The following RYR3 variants were observed in gnomAD, a reference collection of about 807,000 sequenced individuals.
RYR3 encodes the protein ryanodine receptor 3.
RYR3 carries 207 observed loss-of-function variants against 584.3 expected under a neutral mutation model. The ratio of observed to expected loss-of-function variants is 0.35; its 90% confidence interval spans 0.32 to 0.40. The LOEUF (loss-of-function observed/expected upper bound fraction) is 0.40. RYR3 is among the 10% of genes least tolerant of loss of function. The pLI, the probability that RYR3 is intolerant of heterozygous loss-of-function variation, is 1.00. For synonymous variants in RYR3, 2,416 were observed against 2,248.5 expected (o/e 1.07, Z -2.11); for missense variants, 5,616 against 6,089.2 (o/e 0.92, Z 2.59).
intron 1 of RYR3, among the ~76,000 whole-genome samples, chr15:33,314,165 C>G (rs1967751519): frequency 6.6e-6 from 1 of 152,192 alleles, no homozygotes; most frequent in South Asian, 2.1e-4. Flanking sequence ...AAACTATATA[C>G]CCTCTTCTGG....
Position 33,657,412 on chromosome 15 carries a change from A to C in RYR3, c.4309-2308A>C, listed in dbSNP as rs142889862. 2.6e-3 allele frequency among the ~76,000 whole-genome samples: 394 copies of C among 152,378 alleles called. 1 individual carries two copies. Among genetic ancestry groups the C allele is most frequent in the African/African-American group, 9.2e-3 (382 of 41,596 alleles). ...AAACGCATGGGCTTCCTACTGGTCC[A>C]GATGAAGTTTCCTCAGCCACAGGAG... On this transcript the variant is annotated intron_variant, in intron 32 of 103. Coordinates refer to ENST00000634891, the MANE Select transcript of RYR3 (RefSeq NM_001036.6).
At chr15:33,394,799 C>G (rs2042204581) in intron 1 of RYR3, among the ~76,000 whole-genome samples, 1 of 152,040 alleles carries the variant, frequency 6.6e-6, no homozygotes. Flanking sequence ...AATGTAGCAA[C>G]CAGTTAGGAC....
intron 86 of RYR3, among the ~76,000 whole-genome samples, chr15:33,831,867 C>T (rs1015420472): frequency 6.6e-6 from 1 of 152,132 alleles, no homozygotes; most frequent in Non-Finnish European, 1.5e-5. Flanking sequence ...TTTATTCATT[C>T]ATTCATCAAA....
At chr15:33,519,142 A>G (rs1253862647) in intron 3 of RYR3, among the ~76,000 whole-genome samples, 1 of 152,200 alleles carries the variant, frequency 6.6e-6, no homozygotes, top group Non-Finnish European at 1.5e-5. Context: ...CATGGGGGGC[A>G]GTTCAGGAAG....
At chr15:33,672,668 T>G (rs2063918391) in intron 38 of RYR3, among the ~76,000 whole-genome samples, 1 of 152,244 alleles carries the variant, frequency 6.6e-6, no homozygotes, top group Non-Finnish European at 1.5e-5. Flanking sequence ...CAGAACCATA[T>G]GCATTAAAGG....
intron 1 of RYR3, among the ~76,000 whole-genome samples, chr15:33,441,130 A>G (rs758301756): frequency 6.6e-6 from 1 of 152,238 alleles, no homozygotes; most frequent in South Asian, 2.1e-4. Flanking sequence ...AGAATTTGCC[A>G]TCATTCTAGG....
At chr15:33,444,721 A>C (rs1400543024) in intron 1 of RYR3, among the ~76,000 whole-genome samples, 1 of 152,218 alleles carries the variant, frequency 6.6e-6, no homozygotes, top group Admixed American at 6.5e-5. Flanking sequence ...CAAAGCTGGC[A>C]AAAGAGCATT....
chr15:33,719,235 C>T (rs1258264591), intron 43 of RYR3, among the ~76,000 whole-genome samples: 1 of 152,258 alleles, frequency 6.6e-6, no homozygotes, highest in Non-Finnish European at 1.5e-5. Flanking sequence ...TCCTGGGTCA[C>T]TTGCAGGAGC....
chr15:33,704,039 G>A (rs2066494330), intron 42 of RYR3, among the ~76,000 whole-genome samples: 1 of 152,252 alleles, frequency 6.6e-6, no homozygotes, highest in South Asian at 2.1e-4. Context: ...GGAGGCCGAG[G>A]CAGGTGAATC....
chr15:33,401,157 T>C (rs944537732), intron 1 of RYR3, among the ~76,000 whole-genome samples: 1 of 152,140 alleles, frequency 6.6e-6, no homozygotes. Flanking sequence ...TGCTCGGCTA[T>C]TATGAGGTCT....
intron 46 of RYR3, among the ~76,000 whole-genome samples, chr15:33,728,043 G>A (rs1040121304): frequency 2.6e-5 from 4 of 152,100 alleles, no homozygotes; most frequent in East Asian, 1.9e-4. Flanking sequence ...GTATGTCCTC[G>A]AAGTTTATTC....
intron 38 of RYR3, among the ~76,000 whole-genome samples, chr15:33,688,507 A>G (rs1254417785): frequency 6.8e-6 from 1 of 147,852 alleles, no homozygotes; most frequent in East Asian, 2.0e-4. Flanking sequence ...CGGGAGGTGG[A>G]GCTTGCAGTG....
chr15:33,865,222 G>T lies in RYR3; in HGVS notation c.14609G>T (p.Gly4870Val). The T allele has an allele frequency of 6.2e-7, 1 of 1,610,502 alleles. No homozygotes were observed. Among genetic ancestry groups the T allele is most frequent in the Non-Finnish European group, 8.5e-7 (1 of 1,177,494 alleles). The part of the protein sequence containing the change: ...CFRKQYEDQL[G>V] ...CGTAAACAATATGAAGATCAGCTTG[G>T]ATAAATCTGAATCAAAGAAGCGCGA... The change falls in exon 104 of 104, where the codon GGA (glycine) becomes GTA (valine). Residue 4870 changes from glycine (G) to valine (V), a missense_variant. By Grantham distance (109) the Gly-to-Val change is moderately radical. This residue lies in a region of RYR3 where 918 missense variants were observed against 887.4 expected (regional missense o/e 1.03). Coordinates refer to ENST00000634891, the MANE Select transcript of RYR3 (RefSeq NM_001036.6).
chr15:33,468,728 A>G (rs1263014878), intron 1 of RYR3, among the ~76,000 whole-genome samples: 1 of 152,234 alleles, frequency 6.6e-6, no homozygotes, highest in East Asian at 1.9e-4. Flanking sequence ...TGTAAATTAT[A>G]ATTGGGTGCA....
intron 91 of RYR3, 50 bp downstream of exon 91, chr15:33,842,085 C>A: frequency 1.9e-6 from 3 of 1,552,226 alleles, no homozygotes; most frequent in South Asian, 1.2e-5. Context: ...TTGGCCCAGG[C>A]AGATGGCAGA....
intron 38 of RYR3, among the ~76,000 whole-genome samples, chr15:33,675,575 A>G (rs1368514945): frequency 6.6e-6 from 1 of 152,216 alleles, no homozygotes; most frequent in Non-Finnish European, 1.5e-5. Flanking sequence ...CCCAAAATTC[A>G]TGATATCCAG....
At chr15:33,563,925 G>A (rs1360806905) in intron 11 of RYR3, among the ~76,000 whole-genome samples, 1 of 152,218 alleles carries the variant, frequency 6.6e-6, no homozygotes, top group African/African-American at 2.4e-5. Context: ...TGGCTTGTAT[G>A]AGACCAACCC....
chr15:33,829,024 A>G (rs749481043), intron 85 of RYR3, among the ~76,000 whole-genome samples: 6 of 152,186 alleles, frequency 3.9e-5, no homozygotes, highest in Non-Finnish European at 7.3e-5. Context: ...CTGCTCGTTT[A>G]CCATTCCAAA....
At chr15:33,779,938 G>A (rs1260731356) in intron 64 of RYR3, among the ~76,000 whole-genome samples, 1 of 152,192 alleles carries the variant, frequency 6.6e-6, no homozygotes, top group Non-Finnish European at 1.5e-5. Context: ...GTGAACCTGG[G>A]AGGCGGAGCT....
Sources: gnomAD v4.1 joint callset for allele counts (sites outside exome capture counted in the v4.1 genomes callset) on GRCh38, gnomAD v4.1.1 for gene constraint, gnomAD v4.1.1 regional missense constraint, MANE v1.5 for transcripts, NCBI Gene and HGNC (gene_info 2026-07-23, HGNC 2026-07-21) for gene names.